The following STAMBPL1 variants were observed in gnomAD, a reference collection of about 807,000 sequenced individuals.
STAMBPL1 encodes AMSH-like protease.
Under a neutral mutation model 52.9 loss-of-function variants are expected in STAMBPL1, and 44 were observed. The ratio of observed to expected loss-of-function variants is 0.83; its 90% CI spans 0.65 to 1.07. The LOEUF (loss-of-function observed/expected upper bound fraction) is 1.07. STAMBPL1 is among the 50% of genes least tolerant of loss of function. STAMBPL1 has a pLI of 0.00. For missense variants in STAMBPL1, 511 were observed against 520.8 expected (o/e 0.98, Z 0.18); for synonymous variants, 164 against 177.3 (o/e 0.92, Z 0.60).
chr10:88,911,301 C>G (rs569597922), intron 5 of STAMBPL1, among the ~76,000 whole-genome samples: 1 of 152,274 alleles, frequency 6.6e-6, no homozygotes, highest in East Asian at 1.9e-4. Flanking sequence ...GCCAGATAAC[C>G]TTGAGCCAGA....
chr10:88,918,769 A>G (rs939104033), intron 8 of STAMBPL1, among the ~76,000 whole-genome samples: 1 of 152,200 alleles, frequency 6.6e-6, no homozygotes, highest in African/African-American at 2.4e-5. Flanking sequence ...CAAGAATGAC[A>G]GTCCATTAAA....
intron 2 of STAMBPL1, among the ~76,000 whole-genome samples, chr10:88,903,966 A>G (rs900623917): frequency 6.6e-6 from 1 of 152,242 alleles, no homozygotes; most frequent in African/African-American, 2.4e-5. Context: ...AATTACCACC[A>G]AAGTAGACCA....
intron 3 of STAMBPL1, 96 bp downstream of exon 3, chr10:88,905,756 T>G (rs1488982085): frequency 1.1e-6 from 1 of 918,620 alleles, no homozygotes; most frequent in Non-Finnish European, 1.6e-6. Context: ...TGTTTTCATA[T>G]TCAGACCAAT....
At chr10:88,912,775 G>C (rs1845259832) in intron 5 of STAMBPL1, 1 of 221,070 alleles carries the variant, frequency 4.5e-6, no homozygotes, top group Non-Finnish European at 8.9e-6. Flanking sequence ...GAGATATTTT[G>C]TTTCATATGG....
At position 88,913,124 on chromosome 10, in the gene STAMBPL1, C is replaced by CA; in HGVS notation, c.450dup (p.Leu151IlefsTer57). 6.3e-7 allele frequency: 1 copy of CA among 1,598,114 alleles called. No homozygotes were observed. The highest frequency in any genetic ancestry group is 8.5e-7 in the Non-Finnish European group (1 of 1,172,830). Reference sequence around the variant, plus strand: ...AGAACAAATATAAAGCTGAAATTCTCAAAAAATTGGAGCATCAGAGATTGA... The same window carrying CA: ...AGAACAAATATAAAGCTGAAATTCTCAAAAAAATTGGAGCATCAGAGATTGA... On this transcript the variant is annotated frameshift_variant, in exon 6 of 11. Transcript: ENST00000371926. LOFTEE classifies it high-confidence loss of function.
intron 6 of STAMBPL1, 47 bp downstream of exon 6, chr10:88,913,505 G>A (rs1442982157): frequency 6.7e-7 from 1 of 1,495,814 alleles, no homozygotes. Context: ...CTCATCGGAT[G>A]GAACCATATT....
chr10:88,908,220 G>T (rs955382793), intron 3 of STAMBPL1, among the ~76,000 whole-genome samples: 5 of 152,088 alleles, frequency 3.3e-5, no homozygotes, highest in Non-Finnish European at 7.4e-5. Flanking sequence ...TAGGGATTCT[G>T]GTTGTCACTT....
chr10:88,887,806 G>A (rs1460789391), intron 1 of STAMBPL1, among the ~76,000 whole-genome samples: 2 of 152,210 alleles, frequency 1.3e-5, no homozygotes, highest in Admixed American at 1.3e-4. Flanking sequence ...ACAGGCATGA[G>A]CCACTGCACC....
At chr10:88,896,080 T>C (rs1844803571) in intron 1 of STAMBPL1, among the ~76,000 whole-genome samples, 1 of 152,200 alleles carries the variant, frequency 6.6e-6, no homozygotes, top group Non-Finnish European at 1.5e-5. Context: ...AATGATAATA[T>C]ATAGTACTTA....
intron 9 of STAMBPL1, among the ~76,000 whole-genome samples, chr10:88,921,644 C>G (rs1379745889): frequency 6.6e-6 from 1 of 152,160 alleles, no homozygotes; most frequent in African/African-American, 2.4e-5. Context: ...AAGAAAGATG[C>G]TATCCCAGTT....
In STAMBPL1 at chr10:88,921,472, G is replaced by A. The variant is rs1845510490; in HGVS notation, c.1154+77G>A. The A allele has an allele frequency of 7.6e-6, 9 of 1,186,904 alleles. 1 individual carries two copies. The highest frequency in any genetic ancestry group is 3.8e-4 in the Middle Eastern group (2 of 5,232). 73.5% of individuals were successfully genotyped at this position (1,186,904 alleles called of 1,614,324 possible). On this transcript the variant is annotated intron_variant, in intron 9 of 10. Transcript: ENST00000371926. ...GGGTTCCTGTGTGTCCAGACACCAG[G>A]TTGTGGTACTTGGATTGGCAAGCAC...
At chr10:88,892,413 T>G (rs932720771) in intron 1 of STAMBPL1, among the ~76,000 whole-genome samples, 2 of 151,826 alleles carry the variant, frequency 1.3e-5, no homozygotes, top group African/African-American at 4.8e-5. Flanking sequence ...GTCATTGTAA[T>G]GCAGGCAAGT....
At chr10:88,884,555 C>T (rs190283195) in intron 1 of STAMBPL1, among the ~76,000 whole-genome samples, 1 of 152,214 alleles carries the variant, frequency 6.6e-6, no homozygotes, top group Non-Finnish European at 1.5e-5. Flanking sequence ...GAAAAGAAAA[C>T]CTTAGGCAGA....
intron 3 of STAMBPL1, among the ~76,000 whole-genome samples, chr10:88,906,611 C>T (rs2133178773): frequency 6.6e-6 from 1 of 152,264 alleles, no homozygotes; most frequent in South Asian, 2.1e-4. Flanking sequence ...TATTACCTCA[C>T]AGACCTTTTA....
chr10:88,917,799 G>T (rs1384701239), intron 8 of STAMBPL1, among the ~76,000 whole-genome samples: 2 of 152,088 alleles, frequency 1.3e-5, no homozygotes, highest in African/African-American at 4.8e-5. Flanking sequence ...AAAAAGAACA[G>T]AAATTTATTT....
intron 2 of STAMBPL1, among the ~76,000 whole-genome samples, chr10:88,903,913 G>A (rs1372294779): frequency 6.6e-6 from 1 of 152,226 alleles, no homozygotes; most frequent in East Asian, 1.9e-4. Flanking sequence ...AAACCTTTAG[G>A]ACCAAGAATC....
At position 88,901,750 on chromosome 10, in the gene STAMBPL1, CA is replaced by C; in HGVS notation, c.30+13del. 1 of 1,610,336 alleles carries C rather than the reference CA, an allele frequency of 6.2e-7. No individual in the cohort carries two copies. Among genetic ancestry groups the C allele is most frequent in the Non-Finnish European group, 8.5e-7 (1 of 1,178,476 alleles). On this transcript the variant is annotated intron_variant, in intron 2 of 10. Coordinates refer to ENST00000371926, the MANE Select transcript of STAMBPL1 (RefSeq NM_020799.4). ...CTGTGAATTCTCTGGTAGGTCACAC[CA>C]GCTGATATCTAACATTTGGTTGGAA...
At chr10:88,907,099 C>G (rs1845094307) in intron 3 of STAMBPL1, among the ~76,000 whole-genome samples, 1 of 152,084 alleles carries the variant, frequency 6.6e-6, no homozygotes, top group Non-Finnish European at 1.5e-5. Flanking sequence ...TAGATTCCTT[C>G]TACATTGTAA....
chr10:88,904,980 T>C (rs538688582), intron 2 of STAMBPL1, among the ~76,000 whole-genome samples: 1 of 152,220 alleles, frequency 6.6e-6, no homozygotes, highest in Admixed American at 6.5e-5. Flanking sequence ...ACACTTATTC[T>C]GGAATAGAAT....
Sources: gnomAD v4.1 joint callset for allele counts (sites outside exome capture counted in the v4.1 genomes callset) on GRCh38, gnomAD v4.1.1 for gene constraint, MANE v1.5 for transcripts, NCBI Gene and HGNC (gene_info 2026-07-23, HGNC 2026-07-21) for gene names.